The following TRAT1 variants were observed in gnomAD, a reference collection of about 807,000 sequenced individuals.
The protein encoded by TRAT1 is T cell receptor associated transmembrane adaptor 1.
In TRAT1, 20 loss-of-function variants were observed where a neutral mutation model predicts 20.0. The observed-to-expected ratio is 1.00, with a 90% confidence interval of 0.70 to 1.45. The LOEUF is 1.45. TRAT1 is among the 40% of genes most tolerant of loss of function. The pLI is 0.00. For synonymous variants in TRAT1, 77 were observed against 74.2 expected (o/e 1.04, Z -0.20); for missense variants, 237 against 224.1 (o/e 1.06, Z -0.37).
chr3:108,849,004 G>C (rs1376718870), intron 4 of TRAT1, among the ~76,000 whole-genome samples, 162 bp from the exon 5 acceptor site: 1 of 152,164 alleles, frequency 6.6e-6, no homozygotes, highest in African/African-American at 2.4e-5. Context: ...GCAGGTAACA[G>C]TTTGGGCTTC....
In TRAT1 at chr3:108,854,014, C is replaced by A; in HGVS notation, c.*137C>A. The A allele has an allele frequency of 2.6e-6, 2 of 765,420 alleles. No individual in the cohort carries two copies. Among genetic ancestry groups the A allele is most frequent in the Non-Finnish European group, 4.4e-6 (2 of 456,896 alleles). 47.4% of individuals were successfully genotyped at this position (765,420 alleles called of 1,614,324 possible). ...TTGTTGATGGGATGGTGGCTTACCTCTTATTCACAGCTTACACTTATGCAT... is the reference window on the plus strand; with the variant it reads ...TTGTTGATGGGATGGTGGCTTACCTATTATTCACAGCTTACACTTATGCAT... On this transcript the variant is annotated 3_prime_UTR_variant, in exon 6 of 6. Transcript: ENST00000295756.
chr3:108,831,077 G>A (rs555511872), intron 2 of TRAT1, among the ~76,000 whole-genome samples: 36 of 152,306 alleles, frequency 2.4e-4, no homozygotes, highest in African/African-American at 6.7e-4. Flanking sequence ...CTATGAAATT[G>A]TAGTCTATGC....
intron 3 of TRAT1, among the ~76,000 whole-genome samples, chr3:108,839,695 G>A (rs773276940): frequency 2.6e-5 from 4 of 151,784 alleles, no homozygotes; most frequent in African/African-American, 4.8e-5. Flanking sequence ...ACACAAGGAT[G>A]AGTAGCGCTA....
chr3:108,826,981 A>G (rs561268097), intron 1 of TRAT1, among the ~76,000 whole-genome samples: 2 of 152,284 alleles, frequency 1.3e-5, no homozygotes, highest in South Asian at 2.1e-4. Flanking sequence ...GTGCCTGCCA[A>G]TTACTGTTGG....
chr3:108,847,919 T>C (rs1012216189), intron 4 of TRAT1, among the ~76,000 whole-genome samples: 22 of 152,234 alleles, frequency 1.4e-4, no homozygotes, highest in African/African-American at 4.6e-4. Flanking sequence ...CAGTATGGAA[T>C]CATCTTAAAG....
chr3:108,853,556 A>C (rs1946016398), intron 5 of TRAT1, 64 bp from the exon 6 acceptor site: 1 of 1,544,926 alleles, frequency 6.5e-7, no homozygotes, highest in Non-Finnish European at 8.7e-7. Context: ...TACGCCACAG[A>C]AATTTCCAGA....
At chr3:108,827,811 C>G (rs944595946) in intron 1 of TRAT1, among the ~76,000 whole-genome samples, 2 of 152,070 alleles carry the variant, frequency 1.3e-5, no homozygotes, top group Admixed American at 6.6e-5. Context: ...AAAACACAAC[C>G]CTAAAGAAAT....
At chr3:108,851,524 A>G (rs1945998068) in intron 5 of TRAT1, among the ~76,000 whole-genome samples, 1 of 151,210 alleles carries the variant, frequency 6.6e-6, no homozygotes, top group Admixed American at 6.6e-5. Context: ...TCTCCTAATT[A>G]TTTCAGGATC....
At position 108,846,780 on chromosome 3, in the gene TRAT1, C is replaced by T. The variant is rs572849398; in HGVS notation, c.153-288C>T. 5.3e-5 allele frequency among the ~76,000 whole-genome samples: 8 copies of T among 152,272 alleles called. No homozygotes were observed. The South Asian group carries it at 1.7e-3, about 32-fold the overall frequency. ...TAAATGAACAAACATAGGAAATATACTCGATGTAGCGCCTAATATACAGTT... is the reference window on the plus strand; with the variant it reads ...TAAATGAACAAACATAGGAAATATATTCGATGTAGCGCCTAATATACAGTT... On this transcript the variant is annotated intron_variant, in intron 3 of 5. Transcript: ENST00000295756.
intron 3 of TRAT1, among the ~76,000 whole-genome samples, chr3:108,840,973 G>A (rs1001874334): frequency 6.6e-6 from 1 of 152,250 alleles, no homozygotes; most frequent in Admixed American, 6.5e-5. Flanking sequence ...CCCCTAAGGG[G>A]CAACATGATA....
intron 1 of TRAT1, 148 bp downstream of exon 1, chr3:108,823,082 AAC>A (rs1346522783): frequency 3.7e-5 from 24 of 645,370 alleles, no homozygotes; most frequent in Non-Finnish European, 5.7e-5. Flanking sequence ...TATATTTTGA[AAC>A]ATGTTAATGA....
At chr3:108,839,273 T>A (rs916497189) in intron 3 of TRAT1, 5 of 341,480 alleles carry the variant, frequency 1.5e-5, no homozygotes, top group African/African-American at 8.5e-5. Flanking sequence ...CCAGCTTAGA[T>A]ACAGAATTGT....
intron 2 of TRAT1, among the ~76,000 whole-genome samples, chr3:108,837,610 A>G (rs1945851499): frequency 1.3e-5 from 2 of 152,228 alleles, no homozygotes; most frequent in African/African-American, 2.4e-5. Flanking sequence ...AAGTTGAAAG[A>G]TAATCATTTG....
intron 4 of TRAT1, among the ~76,000 whole-genome samples, chr3:108,848,046 T>A (rs1392813742): frequency 6.6e-6 from 1 of 152,244 alleles, no homozygotes; most frequent in African/African-American, 2.4e-5. Context: ...GGAAATATAT[T>A]ATTCAAAATA....
At chr3:108,829,810 C>T (rs867638623) in intron 1 of TRAT1, among the ~76,000 whole-genome samples, 35 of 152,176 alleles carry the variant, frequency 2.3e-4, no homozygotes, top group Middle Eastern at 3.4e-3. Context: ...TAGAGCAATA[C>T]AATTATGTAC....
chr3:108,830,705 C>T lies in TRAT1; in HGVS notation c.43C>T (p.Leu15=). 3 of 1,613,842 alleles carry T rather than the reference C, an allele frequency of 1.9e-6. No homozygotes were observed. Among genetic ancestry groups the T allele is most frequent in the Non-Finnish European group, 2.5e-6 (3 of 1,179,776 alleles). ...SGCPFFLWGL[L]ALLGLALVIS... ...GTGCCCCTTTTTCCTCTGGGGACTTCTAGCATTGTTGGGCTTGGCTTTGGT... is the reference window on the plus strand; with the variant it reads ...GTGCCCCTTTTTCCTCTGGGGACTTTTAGCATTGTTGGGCTTGGCTTTGGT... The change falls in exon 2 of 6, where the codon CTA becomes TTA. Residue 15 remains leucine (L), a synonymous_variant. Transcript: ENST00000295756.
intron 1 of TRAT1, among the ~76,000 whole-genome samples, chr3:108,825,209 C>T (rs949132208): frequency 1.3e-5 from 2 of 152,034 alleles, no homozygotes; most frequent in African/African-American, 2.4e-5. Flanking sequence ...TTAAGTAAAA[C>T]TACGTATGAA....
At chr3:108,845,892 A>G (rs1945937953) in intron 3 of TRAT1, among the ~76,000 whole-genome samples, 1 of 152,188 alleles carries the variant, frequency 6.6e-6, no homozygotes, top group Non-Finnish European at 1.5e-5. Flanking sequence ...TGGTAGAATG[A>G]CAGTCTAGTG....
chr3:108,837,528 T>C (rs1945850868), intron 2 of TRAT1, among the ~76,000 whole-genome samples: 1 of 152,234 alleles, frequency 6.6e-6, no homozygotes, highest in Non-Finnish European at 1.5e-5. Flanking sequence ...TTGTAGTTGT[T>C]TGGTGACTTA....
Sources: allele counts gnomAD v4.1 joint callset (sites outside exome capture counted in the v4.1 genomes callset), GRCh38; gene constraint gnomAD v4.1.1; transcripts MANE v1.5; gene names NCBI Gene and HGNC (gene_info 2026-07-23, HGNC 2026-07-21).